SPATS2L: variants seen among roughly 807,000 people sequenced by gnomAD.
The protein encoded by SPATS2L is SPATS2-like protein.
Under a neutral mutation model 59.6 loss-of-function variants are expected in SPATS2L, and 30 were observed. The observed-to-expected ratio is 0.50, with a 90% CI of 0.38 to 0.68. The LOEUF is 0.68. SPATS2L is among the 30% of genes least tolerant of loss of function. SPATS2L has a pLI of 0.00. For missense variants in SPATS2L, 615 were observed against 700.0 expected (o/e 0.88, Z 1.37); for synonymous variants, 252 against 263.5 (o/e 0.96, Z 0.42).
chr2:200,354,983 T>C (rs1053357437), intron 2 of SPATS2L, among the ~76,000 whole-genome samples: 5 of 150,126 alleles, frequency 3.3e-5, no homozygotes, highest in Non-Finnish European at 7.4e-5. Flanking sequence ...GTGAATGACT[T>C]TTTTTTTTAA....
intron 6 of SPATS2L, among the ~76,000 whole-genome samples, chr2:200,423,942 A>C (rs2106026353): frequency 6.6e-6 from 1 of 152,328 alleles, no homozygotes; most frequent in South Asian, 2.1e-4. Context: ...CAGGGGTGTT[A>C]GTGTGACTTC....
chr2:200,389,620 A>C, intron 3 of SPATS2L: 1 of 223,528 alleles, frequency 4.5e-6, no homozygotes, highest in East Asian at 1.1e-4. Context: ...TGGGATTTGA[A>C]CCCATGCAGT....
intron 1 of SPATS2L, 34 bp from the exon 2 acceptor site, chr2:200,329,397 C>A: frequency 6.5e-7 from 1 of 1,541,724 alleles, no homozygotes. Context: ...TAATTTGAGA[C>A]CTGCCTGACT....
At chr2:200,425,003 T>A (rs1482254628) in intron 6 of SPATS2L, among the ~76,000 whole-genome samples, 2 of 152,202 alleles carry the variant, frequency 1.3e-5, no homozygotes, top group Non-Finnish European at 2.9e-5. Flanking sequence ...CTGTCGTTTT[T>A]ACCTTAGCAA....
At chr2:200,376,381 T>C (rs1017984434) in intron 2 of SPATS2L, among the ~76,000 whole-genome samples, 1 of 152,232 alleles carries the variant, frequency 6.6e-6, no homozygotes, top group African/African-American at 2.4e-5. Context: ...GTTTTTATTA[T>C]CTGTGACTGC....
chr2:200,469,214 G>A (rs142774676), intron 10 of SPATS2L, among the ~76,000 whole-genome samples: 2,809 of 152,260 alleles, frequency 0.018, 38 homozygotes, highest in Non-Finnish European at 0.03. Flanking sequence ...CCCTCAGTAG[G>A]AAATAATTTC....
chr2:200,459,724 G>C (rs770026814), intron 8 of SPATS2L, 45 bp from the exon 9 acceptor site: 2 of 1,440,458 alleles, frequency 1.4e-6, no homozygotes, highest in Non-Finnish European at 1.9e-6. Flanking sequence ...GTTTATCTTT[G>C]ATTAAGCATT....
intron 9 of SPATS2L, among the ~76,000 whole-genome samples, chr2:200,465,913 T>A (rs1365829019): frequency 6.6e-6 from 1 of 152,108 alleles, no homozygotes; most frequent in African/African-American, 2.4e-5. Context: ...GCGCCTGTAG[T>A]CCCAGCTACC....
At chr2:200,306,455 G>C (rs982721025), upstream of SPATS2L, 7 of 1,002,206 alleles carry the variant, frequency 7.0e-6, no homozygotes, top group African/African-American at 1.0e-4. Context: ...TAGAAAGTGG[G>C]GTGGGAAAGG....
intron 10 of SPATS2L, among the ~76,000 whole-genome samples, chr2:200,468,038 T>C (rs2086720916): frequency 1.3e-5 from 2 of 151,890 alleles, no homozygotes; most frequent in South Asian, 4.2e-4. Context: ...CTGGGGTGGC[T>C]CTGGTGAAAT....
At chr2:200,396,011 G>GAA (rs1218853084) in intron 3 of SPATS2L, among the ~76,000 whole-genome samples, 5 of 10,592 alleles carry the variant, frequency 4.7e-4, no homozygotes, top group African/African-American at 3.4e-3. Flanking sequence ...ACTCGATCTG[G>GAA]AAAAAAAAAA....
intron 7 of SPATS2L, among the ~76,000 whole-genome samples, chr2:200,440,252 CTG>C (rs2084604532): frequency 6.6e-6 from 1 of 152,266 alleles, no homozygotes; most frequent in African/African-American, 2.4e-5. Context: ...CTCCCAGTCT[CTG>C]TGTCATTTTC....
At chr2:200,427,024 A>C (rs1488888379) in intron 6 of SPATS2L, among the ~76,000 whole-genome samples, 1 of 152,152 alleles carries the variant, frequency 6.6e-6, no homozygotes, top group Non-Finnish European at 1.5e-5. Context: ...TTTCTCATTC[A>C]AGAGTGTTTT....
At chr2:200,330,069 C>A (rs1443069470) in intron 2 of SPATS2L, among the ~76,000 whole-genome samples, 1 of 152,170 alleles carries the variant, frequency 6.6e-6, no homozygotes, top group Non-Finnish European at 1.5e-5. Context: ...GTGCAGTCTT[C>A]GCATGTCACT....
rs774183160 is a variant in SPATS2L, at chr2:200,479,893, A to G, written c.*1862A>G. Reference sequence around the variant, plus strand: ...CTCTGGGTGTACCCAGAGATTTAATAGAAATTCTTAACGTTAAGTCACATT... The same window carrying G: ...CTCTGGGTGTACCCAGAGATTTAATGGAAATTCTTAACGTTAAGTCACATT... On this transcript the variant is annotated 3_prime_UTR_variant, in exon 13 of 13. Coordinates refer to ENST00000409140, the MANE Select transcript of SPATS2L (RefSeq NM_001100423.2). 2.5e-6 allele frequency: 1 copy of G among 397,382 alleles called. No homozygotes were observed. The allele number at this position is 397,382 out of a possible 1,614,324, so 24.6% of individuals were successfully genotyped here. A position where few individuals can be genotyped will look rare whatever the true frequency, so the allele number is the denominator to read the frequency against.
chr2:200,387,128 G>C (rs1313184319), intron 2 of SPATS2L, among the ~76,000 whole-genome samples: 1 of 152,194 alleles, frequency 6.6e-6, no homozygotes, highest in Non-Finnish European at 1.5e-5. Context: ...TTACAAACGA[G>C]TAACTTTCAG....
intron 2 of SPATS2L, among the ~76,000 whole-genome samples, chr2:200,360,714 G>C (rs1176853996): frequency 1.3e-5 from 2 of 152,136 alleles, no homozygotes; most frequent in Non-Finnish European, 2.9e-5. Context: ...CTGTTATTTT[G>C]GCTTTCATCA....
chr2:200,431,284 T>C (rs1485950308), intron 6 of SPATS2L, among the ~76,000 whole-genome samples: 1 of 152,226 alleles, frequency 6.6e-6, no homozygotes, highest in African/African-American at 2.4e-5. Context: ...TTTGTAAATA[T>C]TTAAGAACAC....
chr2:200,358,901 C>T (rs1336533640), intron 2 of SPATS2L, among the ~76,000 whole-genome samples: 1 of 151,914 alleles, frequency 6.6e-6, no homozygotes, highest in Non-Finnish European at 1.5e-5. Context: ...AGGGGAGGAT[C>T]CCTTGAGCCC....
Sources: allele counts gnomAD v4.1 joint callset (sites outside exome capture counted in the v4.1 genomes callset), GRCh38; gene constraint gnomAD v4.1.1; transcripts MANE v1.5; gene names NCBI Gene and HGNC (gene_info 2026-07-23, HGNC 2026-07-21).